CAPN10: variants seen among roughly 807,000 people sequenced by gnomAD.
CAPN10 encodes calpain 10.
CAPN10 carries 71 observed loss-of-function variants against 78.4 expected under a neutral mutation model. The ratio of observed to expected loss-of-function variants is 0.91; its 90% CI spans 0.75 to 1.10. The LOEUF (loss-of-function observed/expected upper bound fraction) is 1.10, where lower values mean the gene tolerates loss of function less well. Among genes scored for constraint, CAPN10 ranks in the 50% least tolerant of loss-of-function variants. The pLI is 0.00. For missense variants in CAPN10, 849 were observed against 924.6 expected, an observed-to-expected ratio of 0.92 and a Z score of 1.06; for synonymous variants, 437 against 407.2, an observed-to-expected ratio of 1.07 and a Z score of -0.88.
rs1344097593 is a variant in CAPN10, at chr2:240,595,113, A to T, written c.1087A>T (p.Ser363Cys). Residue 363 changes from serine (S) to cysteine (C), a missense_variant, in exon 7 of 12, where the codon AGC becomes TGC. Ser to Cys is a moderately radical substitution (Grantham distance 112, BLOSUM62 -1). Coordinates refer to ENST00000391984, the MANE Select transcript of CAPN10 (RefSeq NM_023083.4). ...CTGCCGGAACAACAGCGGCTTTCCC[A>T]GCAACCCCAAATTCTGGCTGCGGGT... ...GGCRNNSGFP[S>C]NPKFWLRVSE... 1.9e-6 allele frequency: 3 copies of T among 1,613,804 alleles called. No homozygotes were observed.
At chr2:240,598,181 A>C (rs375884580) in intron 10 of CAPN10, 94 bp downstream of exon 10, 22 of 1,362,420 alleles carry the variant, frequency 1.6e-5, no homozygotes, top group Middle Eastern at 3.8e-4. Flanking sequence ...CCTGCCCCTC[A>C]CCCTCAAGCC....
At chr2:240,596,986 CTCAGAGAATTTGCA>C in intron 9 of CAPN10, 44 bp downstream of exon 9, 5 of 1,611,344 alleles carry the variant, frequency 3.1e-6, no homozygotes, top group Non-Finnish European at 4.2e-6. Context: ...AGAAGGGGCC[CTCAGAGAATTTGCA>C]TCTTGGCCTC....
intron 2 of CAPN10, 89 bp downstream of exon 2, chr2:240,589,563 C>CAG: frequency 6.8e-7 from 1 of 1,473,888 alleles, no homozygotes; most frequent in Non-Finnish European, 9.1e-7. Flanking sequence ...CTTGCGAAAG[C>CAG]AGAGCTGTGC....
At chr2:240,587,398 T>G (rs1575444220) in intron 1 of CAPN10, among the ~76,000 whole-genome samples, 2 of 152,144 alleles carry the variant, frequency 1.3e-5, no homozygotes, top group Non-Finnish European at 2.9e-5. Flanking sequence ...TGTCTGCTCC[T>G]CCCGCAGAGA....
intron 1 of CAPN10, among the ~76,000 whole-genome samples, chr2:240,587,409 G>C (rs1371980155): frequency 6.6e-6 from 1 of 152,234 alleles, no homozygotes; most frequent in Non-Finnish European, 1.5e-5. Context: ...CCCGCAGAGA[G>C]GGCCGCTCGT....
chr2:240,596,790 G>C lies in CAPN10; in HGVS notation c.1591G>C (p.Gly531Arg). 2 of 1,612,920 alleles carry C rather than the reference G, an allele frequency of 1.2e-6. No homozygotes were observed. Among genetic ancestry groups the C allele is most frequent in the Non-Finnish European group, 1.7e-6 (2 of 1,179,902 alleles). Reference protein sequence around the residue: ...GSWRVGQTAGGSRNFASYPTN... With the variant: ...GSWRVGQTAGRSRNFASYPTN... ...TTGGAGAGTCGGCCAGACGGCGGGG[G>C]GCAGCAGGAACTTTGCCTCATACCC... The change falls in exon 9 of 12, where the codon GGC becomes CGC. Residue 531 changes from glycine to arginine, a missense_variant. Coordinates refer to ENST00000391984, the MANE Select transcript of CAPN10 (RefSeq NM_023083.4).
chr2:240,595,447 C>G (rs1187001028), intron 7 of CAPN10, 143 bp downstream of exon 7: 1 of 899,062 alleles, frequency 1.1e-6, no homozygotes, highest in Non-Finnish European at 1.7e-6. Context: ...TGGGCTGTTG[C>G]ACGGGGTTGA....
chr2:240,598,536 T>A, intron 11 of CAPN10, 115 bp from the exon 12 acceptor site: 2 of 1,445,602 alleles, frequency 1.4e-6, no homozygotes, highest in Non-Finnish European at 1.9e-6. Context: ...CCCCGGGCGG[T>A]GCCTTGAAGG....
chr2:240,587,994 G>A (rs2093078786), intron 1 of CAPN10, among the ~76,000 whole-genome samples: 1 of 152,142 alleles, frequency 6.6e-6, no homozygotes, highest in African/African-American at 2.4e-5. Context: ...TTAGCTTGAC[G>A]ACTGTTAGGA....
chr2:240,597,944 G>A lies in CAPN10; in HGVS notation c.1800G>A (p.Leu600=). Residue 600 remains leucine, a synonymous_variant, in exon 10 of 12, where the codon CTG becomes CTA. Transcript: ENST00000391984. ...DAPPLLLQEP[L]LSCVPHRYAQ... ...CCCCACTGCTGCTGCAGGAGCCGCTGCTGAGCTGCGTGCCACATCGCTACG... is the reference window on the plus strand; with the variant it reads ...CCCCACTGCTGCTGCAGGAGCCGCTACTGAGCTGCGTGCCACATCGCTACG... 1.9e-6 allele frequency: 3 copies of A among 1,612,782 alleles called. No homozygotes were observed. The highest frequency in any genetic ancestry group is 2.5e-6 in the Non-Finnish European group (3 of 1,179,858).
chr2:240,588,326 G>A (rs918231943), intron 1 of CAPN10, among the ~76,000 whole-genome samples: 2 of 152,178 alleles, frequency 1.3e-5, no homozygotes, highest in Non-Finnish European at 2.9e-5. Context: ...TCCACAGCCT[G>A]GGAGAGTGTC....
At position 240,586,950 on chromosome 2, in the gene CAPN10, G is replaced by A; in HGVS notation, c.39G>A (p.Leu13=). The part of the protein sequence containing the change: ...AGRGATPARE[L]FRDAAFPAAD... ...GGGGCGCGACGCCGGCGAGGGAGCT[G>A]TTCCGGGACGCCGCCTTCCCCGCCG... The change falls in exon 1 of 12, where the codon CTG becomes CTA. Residue 13 remains leucine (L), a synonymous_variant. Coordinates refer to ENST00000391984, the MANE Select transcript of CAPN10 (RefSeq NM_023083.4). 1 of 1,478,390 alleles carries A rather than the reference G, an allele frequency of 6.8e-7. No homozygotes were observed. The allele number at this position is 1,478,390 out of a possible 1,614,324, so 91.6% of individuals were successfully genotyped here. A position where few individuals can be genotyped will look rare whatever the true frequency, so the allele number is the denominator to read the frequency against.
At chr2:240,590,014 C>T (rs572285827) in intron 2 of CAPN10, 2 of 154,126 alleles carry the variant, frequency 1.3e-5, no homozygotes, top group South Asian at 4.0e-4. Context: ...AATGCAGCGG[C>T]GTCAACAGTG....
intron 2 of CAPN10, 56 bp downstream of exon 2, chr2:240,589,530 C>T (rs1022398827): frequency 5.3e-5 from 83 of 1,555,688 alleles, no homozygotes; most frequent in Middle Eastern, 4.5e-4. Context: ...TGCGTTTCTC[C>T]AGCCTGCTGA....
chr2:240,595,426 T>A (rs2093130751), intron 7 of CAPN10, 122 bp downstream of exon 7: 1 of 1,079,676 alleles, frequency 9.3e-7, no homozygotes, highest in Non-Finnish European at 1.3e-6. Flanking sequence ...CCCACCAGTC[T>A]CCCCCCTCCT....
At chr2:240,590,608 G>T in intron 2 of CAPN10, 1 of 558,182 alleles carries the variant, frequency 1.8e-6, no homozygotes, top group East Asian at 2.9e-5. Flanking sequence ...AGAGTTCTCT[G>T]CGACATCCAG....
chr2:240,598,237 C>G lies in CAPN10; in HGVS notation c.1944-115C>G, dbSNP rs145062438. On this transcript the variant is annotated intron_variant, in intron 10 of 11. Transcript: ENST00000391984. The stretch of plus-strand genomic sequence containing the variant: ...AGGGCTGTCCTGCCTACCTGGGGAC[C>G]CTTCCTTGCTGGTCTGAGCCTGGAA... 2,105 of 1,436,178 alleles carry G rather than the reference C, an allele frequency of 1.5e-3. 16 individuals are homozygous for G. In the African/African-American group the frequency reaches 0.026, roughly 18 times the overall value. The allele number at this position is 1,436,178 out of a possible 1,614,324, so 89.0% of individuals were successfully genotyped here.
At chr2:240,596,152 G>T in intron 7 of CAPN10, 167 bp from the exon 8 acceptor site, 3 of 1,499,152 alleles carry the variant, frequency 2.0e-6, no homozygotes, top group Non-Finnish European at 2.7e-6. Flanking sequence ...GCCCGGGATT[G>T]GTGGGCATCT....
Position 240,592,595 on chromosome 2 carries a change from G to A in CAPN10, c.688+445G>A, listed in dbSNP as rs185237554. 1.6e-5 allele frequency: 7 copies of A among 439,372 alleles called. No homozygotes were observed. The East Asian group carries it at 2.9e-4, about 18-fold the overall frequency. 27.2% of individuals were successfully genotyped at this position (439,372 alleles called of 1,614,324 possible). ...AGGCTGAGGTGGGAGTATCGCTGGA[G>A]CCCAGGAGTTCAAGAGACCCGCCTG... On this transcript the variant is annotated intron_variant, in intron 4 of 11. Transcript: ENST00000391984.
Sources: allele counts gnomAD v4.1 joint callset (sites outside exome capture counted in the v4.1 genomes callset), GRCh38; gene constraint gnomAD v4.1.1; transcripts MANE v1.5; gene names NCBI Gene and HGNC (gene_info 2026-07-23, HGNC 2026-07-21).